OR2T10: variants seen among roughly 807,000 people sequenced by gnomAD.
The protein encoded by OR2T10 is olfactory receptor 2T10.
For missense variants in OR2T10, 335 were observed against 382.5 expected (o/e 0.88, Z 1.04); for synonymous variants, 125 against 141.8 (o/e 0.88, Z 0.84).
intron 1 of OR2T10, 55 bp from the exon 2 acceptor site, chr1:248,593,851 T>C (rs1660053760): frequency 4.3e-6 from 3 of 699,372 alleles, no homozygotes; most frequent in East Asian, 5.5e-5. Flanking sequence ...CGTAAAAGTA[T>C]GTTTGCTTCA....
chr1:248,594,602 A>ATC (rs1660064304), intron 1 of OR2T10, among the ~76,000 whole-genome samples: 1 of 143,516 alleles, frequency 7.0e-6, no homozygotes, highest in Non-Finnish European at 1.5e-5. Flanking sequence ...AATTATGGCT[A>ATC]TCTCAGATCA....
intron 1 of OR2T10, among the ~76,000 whole-genome samples, chr1:248,596,693 A>G (rs776198269): frequency 2.1e-5 from 3 of 144,040 alleles, no homozygotes; most frequent in Non-Finnish European, 3.0e-5. Context: ...ATGAACTGCT[A>G]TTTCCAAAAT....
At chr1:248,594,356 C>A (rs1489368008) in intron 1 of OR2T10, among the ~76,000 whole-genome samples, 1 of 143,374 alleles carries the variant, frequency 7.0e-6, no homozygotes, top group South Asian at 2.2e-4. Context: ...CCTTATATAA[C>A]GTTACAAATT....
chr1:248,592,762 T>C lies in OR2T10; in HGVS notation c.*68A>G. 1.1e-6 allele frequency: 1 copy of C among 945,994 alleles called. No homozygotes were observed. Among genetic ancestry groups the C allele is most frequent in the Admixed American group, 2.3e-5 (1 of 42,582 alleles). The allele number at this position is 945,994 out of a possible 1,614,324, so 58.6% of individuals were successfully genotyped here. On this transcript the variant is annotated 3_prime_UTR_variant, in exon 2 of 2. Transcript: ENST00000642090. ...ACACTACCACAATATGCTGATTGTT[T>C]GGTGGAAGGACACCTAAAGTGAAGA...
chr1:248,596,822 G>A (rs937559893), intron 1 of OR2T10, among the ~76,000 whole-genome samples: 4 of 142,554 alleles, frequency 2.8e-5, no homozygotes, highest in African/African-American at 1.1e-4. Context: ...CCAAAGTGAT[G>A]TGTCATGCTT....
In OR2T10 at chr1:248,592,787, A is replaced by G. The variant is rs765946076; in HGVS notation, c.*43T>C. On this transcript the variant is annotated 3_prime_UTR_variant, in exon 2 of 2. Coordinates refer to ENST00000642090, the MANE Select transcript of OR2T10 (RefSeq NM_001004693.2). The stretch of plus-strand genomic sequence containing the variant: ...TGGTGGAAGGACACCTAAAGTGAAG[A>G]GAGACTCTAAGAAGAGAGGACCAAC... 6.9e-6 allele frequency: 8 copies of G among 1,159,010 alleles called. 1 individual carries two copies. In the African/African-American group the frequency reaches 1.3e-4, roughly 18 times the overall value. The allele number at this position is 1,159,010 out of a possible 1,614,324, so 71.8% of individuals were successfully genotyped here.
Position 248,596,219 on chromosome 1 carries a change from C to G in OR2T10, c.-29+1273G>C, listed in dbSNP as rs1660088296. On this transcript the variant is annotated intron_variant, in intron 1 of 1. Coordinates refer to ENST00000642090, the MANE Select transcript of OR2T10 (RefSeq NM_001004693.2). ...GGAGATAAGCATTTTCACTTGCTGC[C>G]CAGCTTCTCAGTGAAATAAGTGTAT... Among the ~76,000 whole-genome samples the G allele has an allele frequency of 1.4e-5, 2 of 142,946 alleles. 1 individual carries two copies. The highest frequency in any genetic ancestry group is 5.5e-5 in the African/African-American group (2 of 36,238). The allele number at this position is 142,946 out of a possible 152,430, so 93.8% of individuals were successfully genotyped here. A position where few individuals can be genotyped will look rare whatever the true frequency, so the allele number is the denominator to read the frequency against.
rs1256758869 is a variant in OR2T10, at chr1:248,590,743, A to G, written c.*2087T>C. ...TTATAAACTTGTTTTGGCGTTTACT[A>G]TAAACATTACAGCATGTACTCTTGA... On this transcript the variant is annotated 3_prime_UTR_variant, in exon 2 of 2. Coordinates refer to ENST00000642090, the MANE Select transcript of OR2T10 (RefSeq NM_001004693.2). 2.1e-5 allele frequency: 3 copies of G among 143,264 alleles called. No homozygotes were observed. Among genetic ancestry groups the G allele is most frequent in the African/African-American group, 2.8e-5 (1 of 36,352 alleles). 8.9% of individuals were successfully genotyped at this position (143,264 alleles called of 1,614,324 possible). A position where few individuals can be genotyped will look rare whatever the true frequency, so the allele number is the denominator to read the frequency against.
chr1:248,594,948 T>A (rs1660070330), intron 1 of OR2T10: 1 of 143,380 alleles, frequency 7.0e-6, no homozygotes, highest in Admixed American at 6.8e-5. Flanking sequence ...AGTGCACTAG[T>A]GAGAAGGGAG....
In OR2T10 at chr1:248,593,204, A is replaced by G. The variant is rs1660040546; in HGVS notation, c.565T>C (p.Cys189Arg). Residue 189 changes from cysteine to arginine, a missense_variant, in exon 2 of 2, where the codon TGC (cysteine) becomes CGC (arginine). Physicochemically the swap from Cys to Arg is radical, Grantham distance 180 (BLOSUM62 -3). Coordinates refer to ENST00000642090, the MANE Select transcript of OR2T10 (RefSeq NM_001004693.2). ...ATCTTGTAAAGTGAGGTGTCTGAGC[A>G]AGAGAGCTTCAAAACAGCAGGGACC... ...CEVPAVLKLS[C>R]SDTSLYKIFM... The G allele has an allele frequency of 6.4e-7, 1 of 1,573,218 alleles. No homozygotes were observed. The highest frequency in any genetic ancestry group is 1.7e-5 in the Admixed American group (1 of 58,390).
chr1:248,592,138 T>C lies in OR2T10; in HGVS notation c.*692A>G, dbSNP rs1660018453. 1 of 144,080 alleles carries C rather than the reference T, an allele frequency of 6.9e-6. No homozygotes were observed. The highest frequency in any genetic ancestry group is 2.0e-4 in the East Asian group (1 of 4,978). The allele number at this position is 144,080 out of a possible 1,614,324, so 8.9% of individuals were successfully genotyped here. On this transcript the variant is annotated 3_prime_UTR_variant, in exon 2 of 2. Coordinates refer to ENST00000642090, the MANE Select transcript of OR2T10 (RefSeq NM_001004693.2). ...ATGTCTACTGGATAGCCCATGTCTC[T>C]GCTCTAATTTTGGGAGGTTTGACTT...
Position 248,592,468 on chromosome 1 carries a change from T to G in OR2T10, c.*362A>C, listed in dbSNP as rs1660024162. 6.0e-6 allele frequency: 1 copy of G among 166,118 alleles called. No individual in the cohort carries two copies. Among genetic ancestry groups the G allele is most frequent in the African/African-American group, 2.7e-5 (1 of 36,446 alleles). 10.3% of individuals were successfully genotyped at this position (166,118 alleles called of 1,614,324 possible). ...GCACAGAGTGGATGCTGAGGAACAC[T>G]CTGAATATGGTGTTATTTCATACTC... On this transcript the variant is annotated 3_prime_UTR_variant, in exon 2 of 2. Coordinates refer to ENST00000642090, the MANE Select transcript of OR2T10 (RefSeq NM_001004693.2).
Position 248,593,591 on chromosome 1 carries a change from AC to A in OR2T10, c.177del (p.Met59IlefsTer5). 8 of 1,566,810 alleles carry A rather than the reference AC, an allele frequency of 5.1e-6. 1 individual carries two copies. The highest frequency in any genetic ancestry group is 6.9e-6 in the Non-Finnish European group (8 of 1,152,622). ...IHIDSSLHTPMYFFINQLSLI... is the reference protein window; with the variant it reads ...IHIDSSLHTPXYFFINQLSLI... Reference sequence around the variant, plus strand: ...AGTGAGAGCTGGTTTATAAAGAAGTACATGGGAGTATGCAGAGAGGAGTCAA... The same window carrying A: ...AGTGAGAGCTGGTTTATAAAGAAGTAATGGGAGTATGCAGAGAGGAGTCAA... On this transcript the variant is annotated frameshift_variant, in exon 2 of 2. Coordinates refer to ENST00000642090, the MANE Select transcript of OR2T10 (RefSeq NM_001004693.2). LOFTEE classifies it low-confidence loss of function (END_TRUNC).
In OR2T10 at chr1:248,593,490, C is replaced by G; in HGVS notation, c.279G>C (p.Ser93=). Residue 93 remains serine, a synonymous_variant, in exon 2 of 2, where the codon TCG becomes TCC. Coordinates refer to ENST00000642090, the MANE Select transcript of OR2T10 (RefSeq NM_001004693.2). ...VNQLAKDKTI[S]VLGCGTQMYF... The stretch of plus-strand genomic sequence containing the variant: ...ACATCTGGGTGCCACACCCAAGGAC[C>G]GAGATGGTCTTGTCTTTGGCCAGCT... 6.4e-7 allele frequency: 1 copy of G among 1,572,304 alleles called. No individual in the cohort carries two copies.
Position 248,593,915 on chromosome 1 carries a change from G to A in OR2T10, c.-28-119C>T. ...TCAGAGTGTATTTCCAACATGAACT[G>A]TGAATTTGCACTAAAAAGAGACAGC... On this transcript the variant is annotated intron_variant, in intron 1 of 1. Coordinates refer to ENST00000642090, the MANE Select transcript of OR2T10 (RefSeq NM_001004693.2). 7.2e-6 allele frequency: 4 copies of A among 558,290 alleles called. No individual in the cohort carries two copies. In the South Asian group the frequency reaches 9.2e-5, roughly 13 times the overall value. 34.6% of individuals were successfully genotyped at this position (558,290 alleles called of 1,614,324 possible). A position where few individuals can be genotyped will look rare whatever the true frequency, so the allele number is the denominator to read the frequency against.
At position 248,593,194 on chromosome 1, in the gene OR2T10, G is replaced by A. The variant is rs370684993; in HGVS notation, c.575C>T (p.Thr192Ile). 6.4e-7 allele frequency: 1 copy of A among 1,572,600 alleles called. No homozygotes were observed. Residue 192 changes from threonine (T) to isoleucine (I), a missense_variant, in exon 2 of 2, where the codon ACC (threonine) becomes ATC (isoleucine). By Grantham distance (89) the Thr-to-Ile change is moderately conservative. Coordinates refer to ENST00000642090, the MANE Select transcript of OR2T10 (RefSeq NM_001004693.2). ...GTACATGAAAATCTTGTAAAGTGAG[G>A]TGTCTGAGCAAGAGAGCTTCAAAAC... ...PAVLKLSCSD[T>I]SLYKIFMYLC...
rs1660017678 is a variant in OR2T10 at position 248,592,094 on chromosome 1, T to C, written c.*736A>G. On this transcript the variant is annotated 3_prime_UTR_variant, in exon 2 of 2. Transcript: ENST00000642090. ...AAGTCTATGAATAAACCAATTATAC[T>C]CCAAACATGTTGTAGCCCATGTCTA... The C allele has an allele frequency of 6.9e-6, 1 of 143,970 alleles. No homozygotes were observed. Among genetic ancestry groups the C allele is most frequent in the Non-Finnish European group, 1.5e-5 (1 of 66,436 alleles). The allele number at this position is 143,970 out of a possible 1,614,324, so 8.9% of individuals were successfully genotyped here.
intron 1 of OR2T10, among the ~76,000 whole-genome samples, chr1:248,594,468 A>G (rs1329225959): frequency 6.9e-6 from 1 of 143,922 alleles, no homozygotes; most frequent in Non-Finnish European, 1.5e-5. Context: ...ATGTATTTTT[A>G]TACTTCCACT....
rs1318231132 is a variant in OR2T10 at position 248,593,726 on chromosome 1, A to G, written c.43T>C (p.Leu15=). ...NQTLGGDFFL[L]GIFSQISHPG... is the part of the protein sequence containing the mutation. Reference sequence around the variant, plus strand: ...TGTGAGATCTGGCTGAAGATTCCCAACAGGAAAAAGTCACCACCCAGGGTC... The same window carrying G: ...TGTGAGATCTGGCTGAAGATTCCCAGCAGGAAAAAGTCACCACCCAGGGTC... The change falls in exon 2 of 2, where the codon TTG becomes CTG. Residue 15 remains leucine, a synonymous_variant. Coordinates refer to ENST00000642090, the MANE Select transcript of OR2T10 (RefSeq NM_001004693.2). The G allele has an allele frequency of 1.3e-6, 2 of 1,566,728 alleles. No homozygotes were observed. The highest frequency in any genetic ancestry group is 8.7e-7 in the Non-Finnish European group (1 of 1,153,506).
Sources: allele counts gnomAD v4.1 joint callset (sites outside exome capture counted in the v4.1 genomes callset), GRCh38; gene constraint gnomAD v4.1.1; transcripts MANE v1.5; gene names NCBI Gene and HGNC (gene_info 2026-07-23, HGNC 2026-07-21).